Variants in RBFOX1 observed in about 807,000 individuals in gnomAD.
The protein encoded by RBFOX1 is RNA binding protein fox-1 homolog 1.
In RBFOX1, 8 loss-of-function variants were observed where a neutral mutation model predicts 57.7. The observed-to-expected ratio is 0.14, with a 90% CI of 0.08 to 0.25. The LOEUF (loss-of-function observed/expected upper bound fraction) is 0.25, where lower values mean the gene tolerates loss of function less well. RBFOX1 is among the 10% of genes least tolerant of loss of function. RBFOX1 has a pLI of 1.00. For missense variants in RBFOX1, 611 were observed against 548.5 expected (o/e 1.11, Z -1.14); for synonymous variants, 326 against 222.4 (o/e 1.47, Z -4.15).
At chr16:5,374,036 C>T (rs1028442387) in intron 1 of RBFOX1, among the ~76,000 whole-genome samples, 1 of 152,202 alleles carries the variant, frequency 6.6e-6, no homozygotes, top group Non-Finnish European at 1.5e-5. Context: ...TCCTGCCTCA[C>T]CCTCCTGAGT....
chr16:7,465,586 G>T (rs1012310794), intron 4 of RBFOX1, among the ~76,000 whole-genome samples: 4 of 152,196 alleles, frequency 2.6e-5, no homozygotes, highest in Admixed American at 2.6e-4. Flanking sequence ...GTTAATAGTG[G>T]TGGTAATACT....
At chr16:6,754,041 A>G (rs1032751573) in intron 3 of RBFOX1, among the ~76,000 whole-genome samples, 6 of 152,112 alleles carry the variant, frequency 3.9e-5, no homozygotes, top group African/African-American at 1.4e-4. Flanking sequence ...TTTATCCAAT[A>G]TACATACCCA....
chr16:6,247,539 T>C (rs1346459171), intron 1 of RBFOX1, among the ~76,000 whole-genome samples: 1 of 152,210 alleles, frequency 6.6e-6, no homozygotes, highest in South Asian at 2.1e-4. Flanking sequence ...ATATGCATGT[T>C]GAATGCTTAG....
At position 7,204,469 on chromosome 16, in the gene RBFOX1, T is replaced by C. The variant is rs992096668; in HGVS notation, c.27+152371T>C. Among the ~76,000 whole-genome samples, 6 of 152,198 alleles carry C rather than the reference T, an allele frequency of 3.9e-5. No homozygotes were observed. The East Asian group carries it at 9.7e-4, about 25-fold the overall frequency. On this transcript the variant is annotated intron_variant, in intron 4 of 15. Transcript: ENST00000550418. ...CCAGCCTAAGCAACATAGTAAGACA[T>C]TGTCTCTATAAAAATTATAATAGTA...
intron 2 of RBFOX1, among the ~76,000 whole-genome samples, chr16:5,521,347 G>A (rs1186921773): frequency 7.6e-6 from 1 of 131,300 alleles, no homozygotes; most frequent in Non-Finnish European, 1.6e-5. Flanking sequence ...AGCAGCTTTT[G>A]CTGTTGGGGG....
chr16:6,701,053 C>A (rs2061758130), intron 3 of RBFOX1, among the ~76,000 whole-genome samples: 2 of 151,864 alleles, frequency 1.3e-5, no homozygotes, highest in South Asian at 2.1e-4. Flanking sequence ...GTGAGTCAGA[C>A]TATGATGTGA....
intron 2 of RBFOX1, among the ~76,000 whole-genome samples, chr16:6,519,275 T>C (rs1229509149): frequency 1.3e-5 from 2 of 152,110 alleles, no homozygotes; most frequent in East Asian, 3.9e-4. Flanking sequence ...AAGGGTCAAA[T>C]GAAATGAGAA....
chr16:5,898,100 C>A (rs926477120), intron 4 of RBFOX1, among the ~76,000 whole-genome samples: 14 of 152,078 alleles, frequency 9.2e-5, no homozygotes, highest in Admixed American at 2.0e-4. Flanking sequence ...GGGCAGCAAA[C>A]CTGTCCTTCT....
intron 4 of RBFOX1, among the ~76,000 whole-genome samples, chr16:7,400,678 A>G (rs888578939): frequency 6.6e-6 from 1 of 152,136 alleles, no homozygotes; most frequent in African/African-American, 2.4e-5. Context: ...TTCCACTTGG[A>G]TGATGTCCAC....
At chr16:5,467,326 T>A in intron 2 of RBFOX1, 1 of 1,404,692 alleles carries the variant, frequency 7.1e-7, no homozygotes, top group Non-Finnish European at 9.7e-7. Flanking sequence ...AGAAAAATCT[T>A]GCGTCACAGC....
intron 4 of RBFOX1, among the ~76,000 whole-genome samples, chr16:7,498,985 C>A (rs987508302): frequency 6.6e-6 from 1 of 152,174 alleles, no homozygotes; most frequent in African/African-American, 2.4e-5. Flanking sequence ...CACTGGACCT[C>A]AAACTCCATG....
chr16:6,912,945 G>C (rs1439206048), intron 3 of RBFOX1, among the ~76,000 whole-genome samples: 1 of 152,008 alleles, frequency 6.6e-6, no homozygotes, highest in Non-Finnish European at 1.5e-5. Flanking sequence ...TTGGTCCTCA[G>C]GGGATCTTGG....
intron 3 of RBFOX1, among the ~76,000 whole-genome samples, chr16:6,948,526 G>A (rs2080034241): frequency 6.6e-6 from 1 of 151,508 alleles, no homozygotes; most frequent in Non-Finnish European, 1.5e-5. Flanking sequence ...TGGACTAGAG[G>A]CGCCCACCAC....
In RBFOX1 at chr16:5,856,220, T is replaced by TAC. The variant is rs1415445723; in HGVS notation, c.319-11082_319-11081insCA. 1.3e-3 allele frequency among the ~76,000 whole-genome samples: 40 copies of TAC among 31,306 alleles called. 2 individuals are homozygous for TAC. The highest frequency in any genetic ancestry group is 0.021 in the Middle Eastern group (1 of 48). The allele number at this position is 31,306 out of a possible 152,430, so 20.5% of individuals were successfully genotyped here. A position where few individuals can be genotyped will look rare whatever the true frequency, so the allele number is the denominator to read the frequency against. On this transcript the variant is annotated intron_variant, in intron 3 of 19. Transcript: ENST00000641259. ...ATATATATATATACATATATATGTA[T>TAC]ATATATATGTATATATATGTGTATA... is the stretch of plus-strand genomic sequence containing the variant.
chr16:6,288,233 G>T (rs200886942), intron 1 of RBFOX1, among the ~76,000 whole-genome samples: 2 of 59,156 alleles, frequency 3.4e-5, no homozygotes, highest in East Asian at 3.0e-3. Context: ...TCAGAATGGT[G>T]TGAACGGTTT....
intron 2 of RBFOX1, among the ~76,000 whole-genome samples, chr16:6,562,235 A>C (rs1341049964): frequency 6.6e-6 from 1 of 152,176 alleles, no homozygotes; most frequent in East Asian, 1.9e-4. Flanking sequence ...CAGTGATTTA[A>C]CCACTTTAAG....
At chr16:5,341,068 C>T (rs150304488) in intron 1 of RBFOX1, among the ~76,000 whole-genome samples, 2 of 152,238 alleles carry the variant, frequency 1.3e-5, no homozygotes, top group African/African-American at 4.8e-5. Context: ...AGAGACTAGC[C>T]AGTGCAGCAG....
At chr16:6,777,884 G>A (rs2079647456) in intron 3 of RBFOX1, among the ~76,000 whole-genome samples, 1 of 152,098 alleles carries the variant, frequency 6.6e-6, no homozygotes, top group African/African-American at 2.4e-5. Flanking sequence ...GCCCAAAGCT[G>A]ACTTCCATCC....
At chr16:6,080,377 T>G (rs1392441715) in intron 1 of RBFOX1, among the ~76,000 whole-genome samples, 1 of 152,180 alleles carries the variant, frequency 6.6e-6, no homozygotes, top group Non-Finnish European at 1.5e-5. Context: ...AGCCAGTGTG[T>G]GAATCCTCTA....
Sources: allele counts gnomAD v4.1 joint callset (sites outside exome capture counted in the v4.1 genomes callset), GRCh38; gene constraint gnomAD v4.1.1; transcripts MANE v1.5; gene names NCBI Gene and HGNC (gene_info 2026-07-23, HGNC 2026-07-21).